The following ACTA2 variants were observed in gnomAD, a reference collection of about 807,000 sequenced individuals.
ACTA2 encodes the protein actin, aortic smooth muscle.
In ACTA2, 12 loss-of-function variants were observed where a neutral mutation model predicts 39.5. The ratio of observed to expected loss-of-function variants is 0.30; its 90% confidence interval spans 0.19 to 0.49. ACTA2 has a LOEUF of 0.49. ACTA2 is among the 20% of genes least tolerant of loss of function. The probability of loss-of-function intolerance (pLI) is 0.99; values close to 1 mark genes in which losing one functional copy is unlikely to be tolerated. For synonymous variants in ACTA2, 158 were observed against 180.6 expected (o/e 0.88, Z 1.00); for missense variants, 236 against 498.8 (o/e 0.47, Z 5.02).
chr10:88,974,880 A>G (rs944519298), intron 1 of ACTA2: 4 of 152,204 alleles, frequency 2.6e-5, no homozygotes, highest in Non-Finnish European at 5.9e-5. Context: ...ATAGCGCTCT[A>G]AATCCTAAAT....
chr10:88,941,468 T>G, intron 5 of ACTA2, 78 bp from the exon 6 acceptor site: 1 of 1,575,462 alleles, frequency 6.3e-7, no homozygotes, highest in East Asian at 2.2e-5. Context: ...AGGGAAGCCT[T>G]GGGGGAGAGG....
At position 88,990,902 on chromosome 10, in the gene ACTA2, C is replaced by A; in HGVS notation, c.-24+37G>T. Reference sequence around the variant, plus strand: ...ATGCTGGGCATCTGGACCCTCCTACCTCTGGTGAGCCCTCTCCTGCCCGGG... The same window carrying A: ...ATGCTGGGCATCTGGACCCTCCTACATCTGGTGAGCCCTCTCCTGCCCGGG... On this transcript the variant is annotated intron_variant, in intron 1 of 4. Transcript: ENST00000415557. The surrounding 1 kb of genome is among the most constrained non-coding windows in gnomAD (Gnocchi z 4.9). 1 of 1,614,228 alleles carries A rather than the reference C, an allele frequency of 6.2e-7. No individual in the cohort carries two copies. Among genetic ancestry groups the A allele is most frequent in the Non-Finnish European group, 8.5e-7 (1 of 1,180,040 alleles).
intron 5 of ACTA2, 101 bp from the exon 6 acceptor site, chr10:88,941,491 C>T: frequency 1.4e-6 from 2 of 1,477,216 alleles, no homozygotes; most frequent in Non-Finnish European, 1.9e-6. Flanking sequence ...ATTTCCGAGC[C>T]TCTTATTTAA....
chr10:88,944,054 C>G, intron 3 of ACTA2, 147 bp from the exon 4 acceptor site: 1 of 674,448 alleles, frequency 1.5e-6, no homozygotes, highest in South Asian at 1.8e-5. Context: ...TTTATAGATG[C>G]AGAGACTGAA....
intron 1 of ACTA2, among the ~76,000 whole-genome samples, chr10:88,960,963 T>C (rs975146863): frequency 1.3e-5 from 2 of 152,270 alleles, no homozygotes; most frequent in Admixed American, 1.3e-4. Context: ...GAACATTAAT[T>C]AGTGCATTGT....
At chr10:88,979,538 G>A (rs1016785152) in intron 1 of ACTA2, among the ~76,000 whole-genome samples, 5 of 152,104 alleles carry the variant, frequency 3.3e-5, no homozygotes. Context: ...TGAAGTATGG[G>A]GAAAGAGAAT....
chr10:88,954,779 G>A (rs1589404682), upstream of ACTA2, among the ~76,000 whole-genome samples: 1 of 151,824 alleles, frequency 6.6e-6, no homozygotes, highest in East Asian at 1.9e-4. Flanking sequence ...ACACTAACCA[G>A]GAAAGACTTA....
intron 1 of ACTA2, among the ~76,000 whole-genome samples, chr10:88,968,999 G>A (rs1846373877): frequency 6.6e-6 from 1 of 151,886 alleles, no homozygotes; most frequent in African/African-American, 2.4e-5. Context: ...ACTACACAGA[G>A]ATGAAAAATG....
chr10:88,944,083 C>T (rs1182801674), intron 3 of ACTA2, among the ~76,000 whole-genome samples, 176 bp from the exon 4 acceptor site: 1 of 152,180 alleles, frequency 6.6e-6, no homozygotes, highest in African/African-American at 2.4e-5. Context: ...TGTGTAAGTA[C>T]CTTCCCAAAG....
chr10:88,987,181 T>C (rs1241394829), intron 1 of ACTA2, among the ~76,000 whole-genome samples: 9 of 152,224 alleles, frequency 5.9e-5, no homozygotes, highest in Non-Finnish European at 1.3e-4. Flanking sequence ...GTAGAAGAAG[T>C]AATATCCCTA....
intron 1 of ACTA2, among the ~76,000 whole-genome samples, chr10:88,962,937 AT>A (rs1415689168): frequency 0.012 from 136 of 11,352 alleles, 6 homozygotes; most frequent in African/African-American, 0.087. Context: ...ATATATATAT[AT>A]ATATATATAT....
At chr10:88,938,499 C>G in intron 7 of ACTA2, 1 of 475,124 alleles carries the variant, frequency 2.1e-6, no homozygotes, top group Non-Finnish European at 3.9e-6. Context: ...TTTTAATAGA[C>G]TCACTACTCA....
intron 1 of ACTA2, among the ~76,000 whole-genome samples, chr10:88,959,156 T>A (rs552161593): frequency 6.6e-6 from 1 of 152,350 alleles, no homozygotes; most frequent in East Asian, 1.9e-4. Flanking sequence ...TATAGGCTTT[T>A]TAAATTTTAT....
intron 1 of ACTA2, among the ~76,000 whole-genome samples, chr10:88,983,624 A>C (rs1564663624): frequency 1.4e-5 from 2 of 147,310 alleles, no homozygotes; most frequent in East Asian, 1.9e-4. Flanking sequence ...AAAAAAAAAA[A>C]AAAAAAAAAA....
chr10:88,944,041 G>T, intron 3 of ACTA2, 134 bp from the exon 4 acceptor site: 1 of 716,794 alleles, frequency 1.4e-6, no homozygotes, highest in South Asian at 1.7e-5. Context: ...ATGTGTCCAT[G>T]GTTTTATAGA....
chr10:88,935,807 G>A (rs1372736897), intron 8 of ACTA2, among the ~76,000 whole-genome samples: 1 of 152,168 alleles, frequency 6.6e-6, no homozygotes, highest in African/African-American at 2.4e-5. Flanking sequence ...GTGTTTCCAC[G>A]TGGTGAAGTG....
intron 1 of ACTA2, among the ~76,000 whole-genome samples, chr10:88,968,002 CT>C (rs927490653): frequency 6.7e-5 from 10 of 148,924 alleles, no homozygotes; most frequent in African/African-American, 1.5e-4. Flanking sequence ...GATAAAAGTC[CT>C]TTTTTTTTTC....
intron 1 of ACTA2, among the ~76,000 whole-genome samples, chr10:88,978,384 A>G (rs1210513929): frequency 3.9e-5 from 6 of 151,986 alleles, no homozygotes; most frequent in Non-Finnish European, 5.9e-5. Flanking sequence ...ATGTACCCTA[A>G]AACTTAAAGT....
At chr10:88,982,077 C>T (rs913506903) in intron 1 of ACTA2, among the ~76,000 whole-genome samples, 7 of 152,198 alleles carry the variant, frequency 4.6e-5, no homozygotes, top group Non-Finnish European at 5.9e-5. Context: ...TTCAAGAAGG[C>T]AGTATGTTGT....
Sources: gnomAD v4.1 joint callset for allele counts (sites outside exome capture counted in the v4.1 genomes callset) on GRCh38, gnomAD v4.1.1 for gene constraint, Gnocchi (gnomAD v3.1) non-coding constraint, MANE v1.5 for transcripts, NCBI Gene and HGNC (gene_info 2026-07-23, HGNC 2026-07-21) for gene names.